Variants in FHIT observed in about 807,000 individuals in gnomAD.
The protein encoded by FHIT is bis(5'-adenosyl)-triphosphatase.
FHIT carries 19 observed loss-of-function variants against 17.9 expected under a neutral mutation model. That is an observed-to-expected ratio of 1.06 (90% confidence interval 0.74 to 1.56). The LOEUF is 1.56. FHIT is among the 40% of genes most tolerant of loss of function. The pLI, the probability that FHIT is intolerant of heterozygous loss-of-function variation, is 0.00. For missense variants in FHIT, 248 were observed against 189.2 expected (o/e 1.31, Z -1.82); for synonymous variants, 81 against 69.7 (o/e 1.16, Z -0.81).
At chr3:59,946,326 T>C (rs1244029622) in intron 7 of FHIT, among the ~76,000 whole-genome samples, 6 of 152,218 alleles carry the variant, frequency 3.9e-5, no homozygotes, top group African/African-American at 1.2e-4. Context: ...TCACCTTGAA[T>C]ACTGTTGGTG....
chr3:60,414,470 G>C (rs1702174158), intron 5 of FHIT, among the ~76,000 whole-genome samples: 1 of 152,168 alleles, frequency 6.6e-6, no homozygotes, highest in African/African-American at 2.4e-5. Flanking sequence ...CTTGGAGTGA[G>C]TCTAATGATC....
chr3:61,184,605 G>A (rs1207810592), intron 2 of FHIT, among the ~76,000 whole-genome samples: 1 of 152,094 alleles, frequency 6.6e-6, no homozygotes, highest in Non-Finnish European at 1.5e-5. Context: ...GAACCAGAAG[G>A]GCCAGCATGC....
chr3:60,868,750 CA>C lies in FHIT; in HGVS notation c.-110-46740del, dbSNP rs536818062. ...TAACTTACTTAGGAGTCTAAAGACA[CA>C]ATCAAATAGCTGTTTCTGACTATTA... On this transcript the variant is annotated intron_variant, in intron 3 of 9. Transcript: ENST00000492590. 6.6e-5 allele frequency among the ~76,000 whole-genome samples: 10 copies of C among 152,214 alleles called. No homozygotes were observed. The South Asian group carries it at 1.0e-3, about 16-fold the overall frequency.
At chr3:61,179,832 G>A (rs1328356894) in intron 2 of FHIT, among the ~76,000 whole-genome samples, 1 of 151,228 alleles carries the variant, frequency 6.6e-6, no homozygotes, top group Non-Finnish European at 1.5e-5. Flanking sequence ...GGTAGTGAGT[G>A]GAAGATGGCA....
Position 60,860,093 on chromosome 3 carries a change from TATGATATATCTGATATATGATATATAA to T in FHIT, c.-110-38109_-110-38083del, listed in dbSNP as rs1359713710. Among the ~76,000 whole-genome samples, 198 of 143,584 alleles carry T rather than the reference TATGATATATCTGATATATGATATATAA, an allele frequency of 1.4e-3. 7 individuals are homozygous for T. The highest frequency in any genetic ancestry group is 7.8e-3 in the South Asian group (37 of 4,762). 94.2% of individuals were successfully genotyped at this position (143,584 alleles called of 152,430 possible). ...TGATATATCTGATATATGATATATA[TATGATATATCTGATATATGATATATAA>T]ATGATATATCTGATATATATACATA... On this transcript the variant is annotated intron_variant, in intron 3 of 9. Transcript: ENST00000492590.
chr3:60,334,503 A>AT (rs1242241037), intron 5 of FHIT, among the ~76,000 whole-genome samples: 1 of 152,216 alleles, frequency 6.6e-6, no homozygotes, highest in Non-Finnish European at 1.5e-5. Context: ...AAACTGATGT[A>AT]TTGGCCAGCA....
intron 8 of FHIT, among the ~76,000 whole-genome samples, chr3:59,807,167 C>T (rs1700236630): frequency 6.6e-6 from 1 of 152,156 alleles, no homozygotes; most frequent in Non-Finnish European, 1.5e-5. Context: ...CAATGAAGAT[C>T]AAAAATTACA....
intron 3 of FHIT, among the ~76,000 whole-genome samples, chr3:61,037,143 C>T (rs1250197610): frequency 6.6e-6 from 1 of 152,106 alleles, no homozygotes; most frequent in Non-Finnish European, 1.5e-5. Flanking sequence ...GATCTCCTGA[C>T]CTCGTGATCC....
chr3:59,793,332 C>T (rs1013208595), intron 8 of FHIT, among the ~76,000 whole-genome samples: 1 of 152,168 alleles, frequency 6.6e-6, no homozygotes, highest in Middle Eastern at 3.2e-3. Flanking sequence ...ACTAATGAAA[C>T]AGCCTTACCA....
chr3:60,503,784 C>T (rs1328763596), intron 5 of FHIT, among the ~76,000 whole-genome samples: 6 of 152,032 alleles, frequency 3.9e-5, no homozygotes, highest in African/African-American at 1.4e-4. Flanking sequence ...CTAGTTTTAT[C>T]TAAAACTGTT....
chr3:60,138,676 G>C (rs866938922), intron 5 of FHIT, among the ~76,000 whole-genome samples: 6 of 151,976 alleles, frequency 3.9e-5, no homozygotes, highest in African/African-American at 9.7e-5. Flanking sequence ...TTTCAGGCAG[G>C]GTTGAGCTTT....
At chr3:60,485,124 A>G (rs1270948362) in intron 5 of FHIT, among the ~76,000 whole-genome samples, 3 of 152,232 alleles carry the variant, frequency 2.0e-5, no homozygotes, top group East Asian at 1.9e-4. Flanking sequence ...AGTCAGTCAG[A>G]ATGGTGAGTA....
At chr3:60,322,266 C>T (rs1182373521) in intron 5 of FHIT, among the ~76,000 whole-genome samples, 1 of 152,174 alleles carries the variant, frequency 6.6e-6, no homozygotes, top group Non-Finnish European at 1.5e-5. Context: ...AATAGTAGTA[C>T]ATCACATTGG....
At chr3:60,600,933 G>A (rs1368578547) in intron 4 of FHIT, among the ~76,000 whole-genome samples, 6 of 152,100 alleles carry the variant, frequency 3.9e-5, no homozygotes, top group African/African-American at 1.4e-4. Flanking sequence ...TGCTTTTTTG[G>A]AGGCAGAGCA....
At chr3:60,534,232 C>A (rs1450053839) in intron 5 of FHIT, among the ~76,000 whole-genome samples, 3 of 147,440 alleles carry the variant, frequency 2.0e-5, no homozygotes, top group African/African-American at 7.6e-5. Flanking sequence ...TCGAGACCAT[C>A]CTGGCTAACA....
At chr3:60,490,985 T>C (rs1353446509) in intron 5 of FHIT, among the ~76,000 whole-genome samples, 1 of 152,082 alleles carries the variant, frequency 6.6e-6, no homozygotes. Flanking sequence ...AATTGCAAAA[T>C]AAAAGTATGA....
At chr3:60,191,324 A>G (rs1177058020) in intron 5 of FHIT, among the ~76,000 whole-genome samples, 5 of 152,322 alleles carry the variant, frequency 3.3e-5, no homozygotes, top group Non-Finnish European at 7.4e-5. Flanking sequence ...TAAAAATAGC[A>G]GTATTTTCTG....
chr3:59,979,585 C>G (rs1417157020), intron 7 of FHIT, among the ~76,000 whole-genome samples: 1 of 152,030 alleles, frequency 6.6e-6, no homozygotes, highest in East Asian at 1.9e-4. Context: ...AGAAACATCT[C>G]AGGCAGGGGT....
chr3:60,908,126 C>G (rs1369005992), intron 3 of FHIT, among the ~76,000 whole-genome samples: 4 of 152,130 alleles, frequency 2.6e-5, no homozygotes, highest in African/African-American at 9.7e-5. Context: ...ATGCAGAATT[C>G]TGGAGGGTTC....
Sources: allele counts gnomAD v4.1 joint callset (sites outside exome capture counted in the v4.1 genomes callset), GRCh38; gene constraint gnomAD v4.1.1; transcripts MANE v1.5; gene names NCBI Gene and HGNC (gene_info 2026-07-23, HGNC 2026-07-21).